The following KCNJ6 variants were observed in gnomAD, a reference collection of about 807,000 sequenced individuals.
KCNJ6 encodes G protein-activated inward rectifier potassium channel 2.
A neutral mutation model predicts 34.2 loss-of-function variants in KCNJ6; 9 were observed. The observed-to-expected ratio is 0.26, with a 90% CI of 0.16 to 0.46. The LOEUF (loss-of-function observed/expected upper bound fraction) is 0.46, where lower values mean the gene tolerates loss of function less well. Ranked by LOEUF, KCNJ6 falls within the 20% of genes least tolerant of loss-of-function variation. KCNJ6 has a pLI of 1.00. For synonymous variants in KCNJ6, 196 were observed against 207.1 expected, an observed-to-expected ratio of 0.95 and a Z score of 0.46; for missense variants, 236 against 531.3, an observed-to-expected ratio of 0.44 and a Z score of 5.46.
intron 2 of KCNJ6, among the ~76,000 whole-genome samples, chr21:37,786,041 A>G (rs1392975583): frequency 6.6e-6 from 1 of 152,202 alleles, no homozygotes; most frequent in Non-Finnish European, 1.5e-5. Context: ...CCAGTCTAAA[A>G]TATTTTGTTA....
At chr21:37,705,211 A>C (rs187714049) in intron 3 of KCNJ6, among the ~76,000 whole-genome samples, 1 of 152,238 alleles carries the variant, frequency 6.6e-6, no homozygotes, top group Admixed American at 6.5e-5. Flanking sequence ...CTCCTCAAAC[A>C]TGCCATAGGA....
intron 3 of KCNJ6, among the ~76,000 whole-genome samples, chr21:37,630,159 G>GTGTGTGA (rs2054327858): frequency 5.7e-5 from 3 of 52,216 alleles, no homozygotes; most frequent in Non-Finnish European, 1.3e-4. Context: ...TGTGTGTGTG[G>GTGTGTGA]TGTTTATGTT....
chr21:37,832,826 G>A (rs1300884348), intron 2 of KCNJ6, among the ~76,000 whole-genome samples: 1 of 152,010 alleles, frequency 6.6e-6, no homozygotes, highest in Non-Finnish European at 1.5e-5. Context: ...CCCTCTTCTT[G>A]GCCTATAGAG....
intron 3 of KCNJ6, among the ~76,000 whole-genome samples, chr21:37,706,844 C>A (rs940791854): frequency 1.6e-4 from 25 of 152,236 alleles, no homozygotes; most frequent in African/African-American, 5.5e-4. Context: ...TAAATTGGAA[C>A]ATCAGCTGAT....
intron 1 of KCNJ6, among the ~76,000 whole-genome samples, chr21:37,882,380 C>T (rs1601515524): frequency 6.6e-6 from 1 of 152,140 alleles, no homozygotes; most frequent in East Asian, 1.9e-4. Context: ...GTTTCATAAA[C>T]CTTATCCACA....
chr21:37,829,440 T>G (rs557306529), intron 2 of KCNJ6, among the ~76,000 whole-genome samples: 2 of 152,208 alleles, frequency 1.3e-5, no homozygotes, highest in South Asian at 4.2e-4. Flanking sequence ...CTTCTGCACT[T>G]GGGTTTGGTT....
At chr21:37,672,882 G>C (rs901943043) in intron 3 of KCNJ6, among the ~76,000 whole-genome samples, 1 of 152,120 alleles carries the variant, frequency 6.6e-6, no homozygotes, top group Non-Finnish European at 1.5e-5. Flanking sequence ...GGGCTAAAGT[G>C]GTCCTCCTGT....
chr21:37,704,168 G>A (rs1473457344), intron 3 of KCNJ6, among the ~76,000 whole-genome samples: 1 of 152,216 alleles, frequency 6.6e-6, no homozygotes, highest in Non-Finnish European at 1.5e-5. Flanking sequence ...AATTCTGCTG[G>A]AGGGACCAGG....
intron 3 of KCNJ6, among the ~76,000 whole-genome samples, chr21:37,658,278 T>C (rs1204219892): frequency 6.6e-6 from 1 of 152,248 alleles, no homozygotes; most frequent in African/African-American, 2.4e-5. Context: ...ATTTGGTCCC[T>C]GAAGACGAGC....
rs1175614239 is a variant in KCNJ6 at position 37,916,276 on chromosome 21, G to C, written c.-420C>G. 6.6e-6 allele frequency: 1 copy of C among 152,126 alleles called. No individual in the cohort carries two copies. The highest frequency in any genetic ancestry group is 1.5e-5 in the Non-Finnish European group (1 of 68,096). 9.4% of individuals were successfully genotyped at this position (152,126 alleles called of 1,614,324 possible). Reference sequence around the variant, plus strand: ...AGGGACGGGGGAGGGAGACTGGGTGGAATGAAGTGGGGAAAGATAAGAGTG... The same window carrying C: ...AGGGACGGGGGAGGGAGACTGGGTGCAATGAAGTGGGGAAAGATAAGAGTG... On this transcript the variant is annotated 5_prime_UTR_variant, in exon 1 of 4. Coordinates refer to ENST00000609713, the MANE Select transcript of KCNJ6 (RefSeq NM_002240.5).
At chr21:37,901,622 G>A (rs918819749) in intron 1 of KCNJ6, among the ~76,000 whole-genome samples, 4 of 152,198 alleles carry the variant, frequency 2.6e-5, no homozygotes, top group African/African-American at 4.8e-5. Flanking sequence ...ATAAACAGAC[G>A]TTCAAGTTAG....
intron 1 of KCNJ6, among the ~76,000 whole-genome samples, chr21:37,895,471 A>G (rs1228693210): frequency 6.6e-6 from 1 of 152,134 alleles, no homozygotes; most frequent in East Asian, 1.9e-4. Context: ...GCTTTAGTAA[A>G]TCCTCCTCTC....
intron 2 of KCNJ6, among the ~76,000 whole-genome samples, chr21:37,828,740 C>A (rs2123562448): frequency 6.6e-6 from 1 of 152,338 alleles, no homozygotes; most frequent in Admixed American, 6.5e-5. Flanking sequence ...CTCTGACCAT[C>A]TGCTCACTCA....
intron 3 of KCNJ6, among the ~76,000 whole-genome samples, chr21:37,665,688 G>A (rs897733267): frequency 2.0e-5 from 3 of 152,184 alleles, no homozygotes; most frequent in Non-Finnish European, 4.4e-5. Context: ...GTTTTAGGTC[G>A]ACCAAGTGTC....
chr21:37,807,347 G>T (rs574346145), intron 2 of KCNJ6, among the ~76,000 whole-genome samples: 2 of 152,264 alleles, frequency 1.3e-5, no homozygotes, highest in Admixed American at 6.5e-5. Context: ...CCATTAAAAA[G>T]AAATGTAATG....
intron 1 of KCNJ6, among the ~76,000 whole-genome samples, chr21:37,841,777 CA>C (rs2055482213): frequency 6.6e-6 from 1 of 152,192 alleles, no homozygotes; most frequent in Non-Finnish European, 1.5e-5. Context: ...GCATAGTATT[CA>C]TCATGGATTA....
In KCNJ6 at chr21:37,840,550, A is replaced by G; in HGVS notation, c.25+108T>C. On this transcript the variant is annotated intron_variant, in intron 2 of 3. Coordinates refer to ENST00000609713, the MANE Select transcript of KCNJ6 (RefSeq NM_002240.5). ...GTGAAACAGATCTCGGTCCCGTAAG[A>G]GCAAAAGAGAAGGACAAATCAGATC... 4.1e-6 allele frequency: 3 copies of G among 729,830 alleles called. No individual in the cohort carries two copies. The Admixed American group carries it at 6.6e-5, about 16-fold the overall frequency. The allele number at this position is 729,830 out of a possible 1,614,324, so 45.2% of individuals were successfully genotyped here.
At chr21:37,848,315 A>G (rs1221314839) in intron 1 of KCNJ6, among the ~76,000 whole-genome samples, 3 of 152,184 alleles carry the variant, frequency 2.0e-5, no homozygotes, top group South Asian at 2.1e-4. Flanking sequence ...ATTTTTTTAG[A>G]GTAAAGTTAG....
chr21:37,818,434 C>A (rs969512561), intron 2 of KCNJ6, among the ~76,000 whole-genome samples: 1 of 151,912 alleles, frequency 6.6e-6, no homozygotes, highest in Non-Finnish European at 1.5e-5. Context: ...TAACACAATG[C>A]CCATTCCTAA....
Sources: allele counts gnomAD v4.1 joint callset (sites outside exome capture counted in the v4.1 genomes callset), GRCh38; gene constraint gnomAD v4.1.1; transcripts MANE v1.5; gene names NCBI Gene and HGNC (gene_info 2026-07-23, HGNC 2026-07-21).